Variants in ATP1A4 observed in about 807,000 individuals in gnomAD.
ATP1A4 encodes the protein ATPase Na+/K+ transporting subunit alpha 4, also known as sodium/potassium-transporting ATPase subunit alpha-4.
In ATP1A4, 90 loss-of-function variants were observed where a neutral mutation model predicts 114.3. The ratio of observed to expected loss-of-function variants is 0.79; its 90% CI spans 0.66 to 0.94. ATP1A4 has a LOEUF of 0.94. Ranked by LOEUF, ATP1A4 falls within the 40% of genes least tolerant of loss-of-function variation. The pLI, the probability that ATP1A4 is intolerant of heterozygous loss-of-function variation, is 0.00. For missense variants in ATP1A4, 1,222 were observed against 1,313.6 expected (o/e 0.93, Z 1.08); for synonymous variants, 511 against 494.1 (o/e 1.03, Z -0.45).
At chr1:160,165,506 T>A (rs1047922034) in intron 7 of ATP1A4, among the ~76,000 whole-genome samples, 4 of 152,196 alleles carry the variant, frequency 2.6e-5, no homozygotes, top group Non-Finnish European at 4.4e-5. Flanking sequence ...ACACCTGTAA[T>A]CCCAGCACTT....
chr1:160,154,257 GGCAGGAGAATCACTTGAAT>G (rs1485710993), intron 2 of ATP1A4, among the ~76,000 whole-genome samples: 3 of 152,166 alleles, frequency 2.0e-5, no homozygotes, highest in South Asian at 2.1e-4. Context: ...GGGAGGCTGA[GGCAGGAGAATCACTTGAAT>G]GCAGGAGAAT....
At chr1:160,166,042 T>G (rs10157036) in intron 7 of ATP1A4, among the ~76,000 whole-genome samples, 1 of 151,976 alleles carries the variant, frequency 6.6e-6, no homozygotes, top group Non-Finnish European at 1.5e-5. Flanking sequence ...GGCCAAGGCA[T>G]GCAGATCACT....
chr1:160,174,533 A>G (rs368097072), intron 14 of ATP1A4, 46 bp from the exon 15 acceptor site: 2 of 1,594,874 alleles, frequency 1.3e-6, no homozygotes, highest in Non-Finnish European at 1.7e-6. Flanking sequence ...CTAGTTCTGG[A>G]TCTGATGCAA....
rs774074560 is a variant in ATP1A4, at chr1:160,153,224, GGTGA to G, written c.207+3_207+6del. ...CCAAGTACTCCGTGGACCTGACAAAGGTGAGTAAGAAGCTCCCTGAGGAGGCAGA... is the reference window on the plus strand; with the variant it reads ...CCAAGTACTCCGTGGACCTGACAAAGGTAAGAAGCTCCCTGAGGAGGCAGA... On this transcript the variant is annotated splice_donor_variant and splice_donor_region_variant and intron_variant, in intron 2 of 21. Coordinates refer to ENST00000368081, the MANE Select transcript of ATP1A4 (RefSeq NM_144699.4). LOFTEE classifies it high-confidence loss of function. The G allele has an allele frequency of 7.4e-6, 12 of 1,613,540 alleles. No homozygotes were observed. In the South Asian group the frequency reaches 7.7e-5, roughly 10 times the overall value.
chr1:160,158,029 T>G (rs1328801774), intron 4 of ATP1A4, among the ~76,000 whole-genome samples: 1 of 152,226 alleles, frequency 6.6e-6, no homozygotes, highest in Non-Finnish European at 1.5e-5. Context: ...ACTTAATTCC[T>G]TCCTTGGGTA....
chr1:160,158,986 C>T lies in ATP1A4; in HGVS notation c.526-16C>T, dbSNP rs1420803147. The T allele has an allele frequency of 6.2e-7, 1 of 1,612,048 alleles. No homozygotes were observed. The highest frequency in any genetic ancestry group is 1.1e-5 in the South Asian group (1 of 90,702). On this transcript the variant is annotated splice_polypyrimidine_tract_variant and intron_variant, in intron 4 of 21. Transcript: ENST00000368081. The stretch of plus-strand genomic sequence containing the variant: ...GCCAAAAGTTTTGGAAATGATCCTG[C>T]ACTATCCTCTCATAGCAAGCTCTGG...
In ATP1A4 at chr1:160,151,838, CTCCTCTCTCACTTCCCT is replaced by C; in HGVS notation, c.-193_-177del. 1 of 556,712 alleles carries C rather than the reference CTCCTCTCTCACTTCCCT, an allele frequency of 1.8e-6. No homozygotes were observed. 34.5% of individuals were successfully genotyped at this position (556,712 alleles called of 1,614,324 possible). A position where few individuals can be genotyped will look rare whatever the true frequency, so the allele number is the denominator to read the frequency against. ...GGACGGCTGGAGGACCGCTCAGTCT[CTCCTCTCTCACTTCCCT>C]TCCTCTCTCTCACCTTCACCACCCA... is the stretch of plus-strand genomic sequence containing the variant. On this transcript the variant is annotated 5_prime_UTR_variant, in exon 1 of 22. Transcript: ENST00000368081.
Position 160,176,574 on chromosome 1 carries a change from T to A in ATP1A4, c.2562T>A (p.Arg854=), listed in dbSNP as rs565197516. Residue 854 remains arginine (R), a synonymous_variant, in exon 17 of 22, where the codon CGT becomes CGA. Coordinates refer to ENST00000368081, the MANE Select transcript of ATP1A4 (RefSeq NM_144699.4). ...AGACGGATAATCTGGTGAACCACCG[T>A]CTCATTGGCATGGCCTATGGACAGA... ...NPKTDNLVNH[R]LIGMAYGQIG... 6.8e-6 allele frequency: 11 copies of A among 1,614,064 alleles called. No individual in the cohort carries two copies. The East Asian group carries it at 2.0e-4, about 29-fold the overall frequency.
At position 160,179,285 on chromosome 1, in the gene ATP1A4, G is replaced by C. The variant is rs115148905; in HGVS notation, c.2736+1621G>C. Among the ~76,000 whole-genome samples, 1,031 of 152,332 alleles carry C rather than the reference G, an allele frequency of 6.8e-3. 4 individuals carry two copies. The highest frequency in any genetic ancestry group is 0.012 in the South Asian group (58 of 4,830). Reference sequence around the variant, plus strand: ...AGTGACACCCAAAGTTCTCATTGCTGTGTACCCTGCCAACATCTCAACTCC... The same window carrying C: ...AGTGACACCCAAAGTTCTCATTGCTCTGTACCCTGCCAACATCTCAACTCC... On this transcript the variant is annotated intron_variant, in intron 18 of 21. Coordinates refer to ENST00000368081, the MANE Select transcript of ATP1A4 (RefSeq NM_144699.4).
At chr1:160,164,472 A>G (rs1198148416) in intron 7 of ATP1A4, 48 bp downstream of exon 7, 1 of 1,594,976 alleles carries the variant, frequency 6.3e-7, no homozygotes, top group Admixed American at 1.7e-5. Flanking sequence ...AAACCACCCC[A>G]GGGAAAAGGG....
Position 160,155,193 on chromosome 1 carries a change from G to T in ATP1A4, c.356G>T (p.Cys119Phe). 1.9e-6 allele frequency: 3 copies of T among 1,612,004 alleles called. No homozygotes were observed. The highest frequency in any genetic ancestry group is 1.1e-5 in the South Asian group (1 of 91,038). Residue 119 changes from cysteine to phenylalanine, a missense_variant, in exon 3 of 22, where the codon TGC (cysteine) becomes TTC (phenylalanine). Transcript: ENST00000368081. ...SLLLWTGAIL[C>F]FVAYSIQIYF... ...CTACTATGGACTGGGGCCATTCTCT[G>T]CTTTGTGGCCTACAGCATCCAGATA...
Position 160,152,127 on chromosome 1 carries a change from A to T in ATP1A4, c.87A>T (p.Lys29Asn), listed in dbSNP as rs549038987. 1 of 1,614,096 alleles carries T rather than the reference A, an allele frequency of 6.2e-7. No individual in the cohort carries two copies. Among genetic ancestry groups the T allele is most frequent in the African/African-American group, 1.3e-5 (1 of 75,030 alleles). ...CTAAAAAAGGGCTTATCAAGAAAAAAATGGTGAAGAGGGAAAAACAGAAGC... is the reference window on the plus strand; with the variant it reads ...CTAAAAAAGGGCTTATCAAGAAAAATATGGTGAAGAGGGAAAAACAGAAGC... ...RRPKKGLIKK[K>N]MVKREKQKRN... is the part of the protein sequence containing the mutation. Residue 29 changes from lysine (K) to asparagine (N), a missense_variant, in exon 1 of 22, where the codon AAA becomes AAT. By Grantham distance (94) the Lys-to-Asn change is moderately conservative. Transcript: ENST00000368081.
chr1:160,186,690 GTAC>G lies in ATP1A4; in HGVS notation c.3087_3089del (p.Tyr1029del). ...CCACAGGCTGGGTGGAAAGGGAGAC[GTAC>G]TACTAAACTCAGCAGATGAAGAGCT... On this transcript the variant is annotated inframe_deletion, in exon 22 of 22. Coordinates refer to ENST00000368081, the MANE Select transcript of ATP1A4 (RefSeq NM_144699.4). 6.2e-7 allele frequency: 1 copy of G among 1,611,054 alleles called. No homozygotes were observed. Among genetic ancestry groups the G allele is most frequent in the Non-Finnish European group, 8.5e-7 (1 of 1,178,666 alleles).
In ATP1A4 at chr1:160,166,043, G is replaced by A. The variant is rs186470887; in HGVS notation, c.1048-485G>A. On this transcript the variant is annotated intron_variant, in intron 7 of 21. Transcript: ENST00000368081. ...CCAGCACTTTGGGAGGCCAAGGCATGCAGATCACTTGAGCCCAGGAGTTCA... is the reference window on the plus strand; with the variant it reads ...CCAGCACTTTGGGAGGCCAAGGCATACAGATCACTTGAGCCCAGGAGTTCA... Among the ~76,000 whole-genome samples the A allele has an allele frequency of 6.7e-3, 1,020 of 152,266 alleles. 8 individuals carry two copies. The highest frequency in any genetic ancestry group is 0.034 in the Middle Eastern group (10 of 294).
intron 20 of ATP1A4, chr1:160,182,563 A>C (rs1207776652): frequency 6.5e-6 from 1 of 153,722 alleles, no homozygotes; most frequent in Non-Finnish European, 1.5e-5. Context: ...TGTACAGAGA[A>C]AAAAGCAAAT....
chr1:160,152,146 C>A lies in ATP1A4; in HGVS notation c.106C>A (p.Gln36Lys), dbSNP rs748476091. 3 of 1,613,940 alleles carry A rather than the reference C, an allele frequency of 1.9e-6. No individual in the cohort carries two copies. The highest frequency in any genetic ancestry group is 1.7e-6 in the Non-Finnish European group (2 of 1,179,978). Residue 36 changes from glutamine (Q) to lysine (K), a missense_variant, in exon 1 of 22, where the codon CAG (glutamine) becomes AAG (lysine). Transcript: ENST00000368081. ...IKKKMVKREK[Q>K]KRNMEELKKE... Reference sequence around the variant, plus strand: ...GAAAAAAATGGTGAAGAGGGAAAAACAGAAGCGCAATATGGAGGAACTGAA... The same window carrying A: ...GAAAAAAATGGTGAAGAGGGAAAAAAAGAAGCGCAATATGGAGGAACTGAA...
In ATP1A4 at chr1:160,186,270, C is replaced by T; in HGVS notation, c.2970-6C>T. ...TGCCATGCTGACTGGCTCTTGCTCT[C>T]TACAGGATAACCTGGTGGCTCTGTG... On this transcript the variant is annotated splice_polypyrimidine_tract_variant and splice_region_variant and intron_variant, in intron 20 of 21. Coordinates refer to ENST00000368081, the MANE Select transcript of ATP1A4 (RefSeq NM_144699.4). The T allele has an allele frequency of 6.2e-7, 1 of 1,606,922 alleles. No individual in the cohort carries two copies. The highest frequency in any genetic ancestry group is 8.5e-7 in the Non-Finnish European group (1 of 1,174,546).
In ATP1A4 at chr1:160,174,884, C is replaced by T. The variant is rs903928927; in HGVS notation, c.2311+137C>T. On this transcript the variant is annotated intron_variant, in intron 15 of 21. Transcript: ENST00000368081. ...GGCTCAGAAGAAAATCACTGTAAGACAAAATTTTGCAAATTAGATCAGCTG... is the reference window on the plus strand; with the variant it reads ...GGCTCAGAAGAAAATCACTGTAAGATAAAATTTTGCAAATTAGATCAGCTG... 241 of 1,359,970 alleles carry T rather than the reference C, an allele frequency of 1.8e-4. 1 individual carries two copies. Among genetic ancestry groups the T allele is most frequent in the Admixed American group, 2.6e-4 (10 of 37,782 alleles). 84.2% of individuals were successfully genotyped at this position (1,359,970 alleles called of 1,614,324 possible).
rs770848741 is a variant in ATP1A4 at position 160,164,617 on chromosome 1, C to T, written c.1047+193C>T. Among the ~76,000 whole-genome samples, 15 of 152,278 alleles carry T rather than the reference C, an allele frequency of 9.9e-5. No homozygotes were observed. The Middle Eastern group carries it at 0.01, about 104-fold the overall frequency. ...CCATATATTTCGGTGTCTTCTCTTT[C>T]CTCAATGAGAGAGGAAGCAAGTTTC... On this transcript the variant is annotated intron_variant, in intron 7 of 21. Coordinates refer to ENST00000368081, the MANE Select transcript of ATP1A4 (RefSeq NM_144699.4).
Sources: allele counts gnomAD v4.1 joint callset (sites outside exome capture counted in the v4.1 genomes callset), GRCh38; gene constraint gnomAD v4.1.1; transcripts MANE v1.5; gene names NCBI Gene and HGNC (gene_info 2026-07-23, HGNC 2026-07-21).